MYRIP: variants seen among roughly 807,000 people sequenced by gnomAD.
The protein encoded by MYRIP is myosin VIIA and Rab interacting protein.
MYRIP carries 49 observed loss-of-function variants against 98.0 expected under a neutral mutation model. That is an observed-to-expected ratio of 0.50 (90% CI 0.40 to 0.63). The LOEUF is 0.63. Ranked by LOEUF, MYRIP falls within the 30% of genes least tolerant of loss-of-function variation. The probability of loss-of-function intolerance (pLI) is 0.00; values close to 1 mark genes in which losing one functional copy is unlikely to be tolerated. For synonymous variants in MYRIP, 404 were observed against 409.5 expected (o/e 0.99, Z 0.16); for missense variants, 1,004 against 1,058.2 (o/e 0.95, Z 0.71).
At chr3:40,211,123 G>A (rs1714406) in intron 11 of MYRIP, among the ~76,000 whole-genome samples, 143,936 of 152,244 alleles carry the variant, frequency 0.95, 68,207 homozygotes, top group Middle Eastern at 0.98. Flanking sequence ...GCTCACATCT[G>A]GTAAGTTTCA....
At chr3:40,030,438 T>C (rs1947233249) in intron 2 of MYRIP, among the ~76,000 whole-genome samples, 1 of 152,070 alleles carries the variant, frequency 6.6e-6, no homozygotes, top group South Asian at 2.1e-4. Flanking sequence ...TCTGGCAGTT[T>C]CTCAAAAAGT....
intron 3 of MYRIP, among the ~76,000 whole-genome samples, chr3:40,123,957 G>A (rs1478732502): frequency 6.6e-6 from 1 of 152,168 alleles, no homozygotes; most frequent in African/African-American, 2.4e-5. Context: ...CTGGGTTGGT[G>A]CAAGGCCACC....
At chr3:40,059,284 T>C (rs1947951348) in intron 3 of MYRIP, among the ~76,000 whole-genome samples, 4 of 152,340 alleles carry the variant, frequency 2.6e-5, no homozygotes, top group Admixed American at 1.3e-4. Flanking sequence ...TTCTAATCCT[T>C]TGGGTATATA....
At chr3:40,127,331 G>A (rs1949544290) in intron 3 of MYRIP, among the ~76,000 whole-genome samples, 1 of 152,160 alleles carries the variant, frequency 6.6e-6, no homozygotes, top group African/African-American at 2.4e-5. Context: ...AGGGCACCCA[G>A]AGAGGTTAGC....
intron 2 of MYRIP, among the ~76,000 whole-genome samples, chr3:39,971,908 C>G (rs1286353480): frequency 6.6e-6 from 1 of 151,952 alleles, no homozygotes; most frequent in African/African-American, 2.4e-5. Context: ...ACCATAAATC[C>G]AGTTAAGGAA....
intron 1 of MYRIP, among the ~76,000 whole-genome samples, chr3:39,863,089 C>G (rs1942519081): frequency 6.6e-6 from 1 of 151,978 alleles, no homozygotes; most frequent in Admixed American, 6.6e-5. Flanking sequence ...ATGCAGAAAT[C>G]AAGAAATTCT....
chr3:40,132,850 T>C (rs1174837592), intron 3 of MYRIP, among the ~76,000 whole-genome samples: 1 of 152,270 alleles, frequency 6.6e-6, no homozygotes, highest in African/African-American at 2.4e-5. Flanking sequence ...CAGCATGTGC[T>C]GGCAGTCCAG....
intron 1 of MYRIP, among the ~76,000 whole-genome samples, chr3:39,813,973 C>G (rs771430100): frequency 6.6e-6 from 1 of 152,080 alleles, no homozygotes; most frequent in Non-Finnish European, 1.5e-5. Context: ...ATCTAGTTGA[C>G]TCATTTTAGC....
chr3:40,101,137 A>G (rs1046366580), intron 3 of MYRIP, among the ~76,000 whole-genome samples: 2 of 152,068 alleles, frequency 1.3e-5, no homozygotes, highest in Non-Finnish European at 2.9e-5. Flanking sequence ...ATTTTCTTCT[A>G]TGAAAAGGTT....
rs758736678 is a variant in MYRIP, at chr3:40,190,384, G to T, written c.1586G>T (p.Arg529Ile). ...TTDRRARRWR[R>I]ARLGSEEPSK... ...GACCGGCGGGCCAGGAGGTGGAGAA[G>T]AGCCCGACTGGGCTCAGAAGAGCCA... Residue 529 changes from arginine to isoleucine, a missense_variant, in exon 10 of 17, where the codon AGA (arginine) becomes ATA (isoleucine). Physicochemically the swap from Arg to Ile is moderately conservative, Grantham distance 97. Around this residue, in one of 3 missense-constraint regions of MYRIP, gnomAD observed 880 missense variants for 907.7 expected, o/e 0.97. Coordinates refer to ENST00000302541, the MANE Select transcript of MYRIP (RefSeq NM_015460.4). 5 of 1,613,888 alleles carry T rather than the reference G, an allele frequency of 3.1e-6. No homozygotes were observed. The South Asian group carries it at 3.3e-5, about 11-fold the overall frequency.
intron 2 of MYRIP, among the ~76,000 whole-genome samples, chr3:39,993,676 T>G (rs1575445740): frequency 6.6e-6 from 1 of 152,306 alleles, no homozygotes; most frequent in Admixed American, 6.5e-5. Context: ...AGAAAAGCAT[T>G]CGGAGACAAA....
intron 10 of MYRIP, among the ~76,000 whole-genome samples, chr3:40,201,411 G>C (rs558008425): frequency 1.2e-5 from 1 of 86,496 alleles, no homozygotes; most frequent in East Asian, 3.4e-4. Flanking sequence ...ATTCAGACTT[G>C]TTTTTTAAAT....
chr3:40,109,148 T>TATGTG (rs1290880403), intron 3 of MYRIP, among the ~76,000 whole-genome samples: 5 of 152,214 alleles, frequency 3.3e-5, no homozygotes, highest in African/African-American at 1.2e-4. Context: ...TACTTTAAGT[T>TATGTG]CTAGGGTACA....
chr3:40,037,394 G>C (rs967297852), intron 2 of MYRIP, among the ~76,000 whole-genome samples: 9 of 151,984 alleles, frequency 5.9e-5, no homozygotes, highest in African/African-American at 2.2e-4. Context: ...AGGAATAGAG[G>C]GAGGCAGGTT....
At chr3:40,228,858 G>C (rs1952564659) in intron 11 of MYRIP, among the ~76,000 whole-genome samples, 1 of 152,200 alleles carries the variant, frequency 6.6e-6, no homozygotes, top group Non-Finnish European at 1.5e-5. Context: ...CCAGGGTCAA[G>C]CTGGGGCTGG....
chr3:39,932,822 C>T (rs1045959937), intron 2 of MYRIP, among the ~76,000 whole-genome samples: 11 of 152,174 alleles, frequency 7.2e-5, no homozygotes, highest in Admixed American at 2.0e-4. Flanking sequence ...ATGTCTTACA[C>T]ATTGGTAGTG....
intron 3 of MYRIP, among the ~76,000 whole-genome samples, chr3:40,114,169 A>G (rs1327009086): frequency 6.6e-6 from 1 of 152,236 alleles, no homozygotes; most frequent in Non-Finnish European, 1.5e-5. Context: ...TGCATATACA[A>G]CAGTGGTACT....
intron 1 of MYRIP, among the ~76,000 whole-genome samples, chr3:39,882,494 T>A (rs1347151006): frequency 6.6e-6 from 1 of 152,174 alleles, no homozygotes; most frequent in Non-Finnish European, 1.5e-5. Context: ...AATTTGTCTA[T>A]TTTTGTCAGA....
At chr3:40,143,601 A>G (rs1292406950) in intron 3 of MYRIP, among the ~76,000 whole-genome samples, 2 of 152,246 alleles carry the variant, frequency 1.3e-5, no homozygotes, top group Non-Finnish European at 2.9e-5. Context: ...AAGTCAAATC[A>G]TAATCGAAAA....
Sources: allele counts gnomAD v4.1 joint callset (sites outside exome capture counted in the v4.1 genomes callset), GRCh38; gene constraint gnomAD v4.1.1; regional missense constraint gnomAD v4.1.1; transcripts MANE v1.5; gene names NCBI Gene and HGNC (gene_info 2026-07-23, HGNC 2026-07-21).